EED: variants seen among roughly 807,000 people sequenced by gnomAD.
EED encodes the protein embryonic ectoderm development, also known as polycomb protein EED.
Under a neutral mutation model 61.0 loss-of-function variants are expected in EED, and 9 were observed. The observed-to-expected ratio is 0.15, with a 90% CI of 0.09 to 0.26. The LOEUF is 0.26. EED is among the 10% of genes least tolerant of loss of function. EED has a pLI of 1.00. For missense variants in EED, 315 were observed against 542.3 expected, an observed-to-expected ratio of 0.58 and a Z score of 4.16; for synonymous variants, 187 against 174.4, an observed-to-expected ratio of 1.07 and a Z score of -0.57.
At position 86,260,992 on chromosome 11, in the gene EED, T is replaced by A. The variant is rs144159853; in HGVS notation, c.635-3180T>A. Among the ~76,000 whole-genome samples the A allele has an allele frequency of 6.3e-3, 958 of 152,112 alleles. 17 individuals are homozygous for A. The highest frequency in any genetic ancestry group is 0.022 in the African/African-American group (899 of 41,482). ...ACTCTCATGACCTAACGCTTCTCAT[T>A]AGGTCTCATCTCCCAACACTGCTGC... On this transcript the variant is annotated intron_variant, in intron 6 of 11. Transcript: ENST00000263360.
At position 86,278,769 on chromosome 11, in the gene EED, G is replaced by GA; in HGVS notation, c.*251dup. The GA allele has an allele frequency of 5.3e-6, 2 of 376,136 alleles. No homozygotes were observed. The highest frequency in any genetic ancestry group is 1.1e-4 in the South Asian group (1 of 9,462). 23.3% of individuals were successfully genotyped at this position (376,136 alleles called of 1,614,324 possible). ...TGTGTTTAGTTACTTTCATTGTGGT[G>GA]AAAAAAAGTTAAAAGTAATAAAATT... On this transcript the variant is annotated 3_prime_UTR_variant, in exon 12 of 12. Coordinates refer to ENST00000263360, the MANE Select transcript of EED (RefSeq NM_003797.5).
intron 6 of EED, among the ~76,000 whole-genome samples, chr11:86,261,667 A>G (rs767810525): frequency 1.3e-5 from 2 of 152,222 alleles, no homozygotes; most frequent in Non-Finnish European, 2.9e-5. Context: ...CCGTGCCTCC[A>G]CAGTTCCTGC....
At position 86,245,225 on chromosome 11, in the gene EED, G is replaced by A. The variant is rs930752635; in HGVS notation, c.-5G>A. On this transcript the variant is annotated 5_prime_UTR_variant, in exon 1 of 12. Transcript: ENST00000263360. ...CGGCAGGAACCTGGAGGGAGGCGGA[G>A]GAATATGTCCGAGAGGGAAGTGTCG... 1.9e-6 allele frequency: 3 copies of A among 1,611,364 alleles called. No individual in the cohort carries two copies. Among genetic ancestry groups the A allele is most frequent in the Non-Finnish European group, 1.7e-6 (2 of 1,178,972 alleles).
At chr11:86,254,576 C>G (rs534860189) in intron 3 of EED, among the ~76,000 whole-genome samples, 2 of 152,024 alleles carry the variant, frequency 1.3e-5, no homozygotes, top group South Asian at 4.2e-4. Context: ...GCCTCGGCCT[C>G]CCAAAGTGCT....
At chr11:86,250,736 T>G (rs1214766492) in intron 2 of EED, among the ~76,000 whole-genome samples, 3 of 152,156 alleles carry the variant, frequency 2.0e-5, no homozygotes, top group Non-Finnish European at 4.4e-5. Flanking sequence ...TGGGTAACTA[T>G]TACTCTTTAT....
At chr11:86,276,343 C>G (rs1946229619) in intron 9 of EED, 1 of 152,090 alleles carries the variant, frequency 6.6e-6, no homozygotes, top group South Asian at 2.1e-4. Flanking sequence ...CAATCCTATC[C>G]CCATATGAGT....
intron 3 of EED, among the ~76,000 whole-genome samples, chr11:86,253,072 T>C (rs2138144632): frequency 6.6e-6 from 1 of 152,352 alleles, no homozygotes; most frequent in Non-Finnish European, 1.5e-5. Flanking sequence ...TATAATGACA[T>C]GTAAGGCTCT....
chr11:86,278,322 T>C, intron 11 of EED, 77 bp from the exon 12 acceptor site: 1 of 1,530,626 alleles, frequency 6.5e-7, no homozygotes, highest in Non-Finnish European at 8.8e-7. Flanking sequence ...TCTGCTTATT[T>C]TCTAATCCGC....
In EED at chr11:86,250,498, A is replaced by G. The variant is rs746946006; in HGVS notation, c.267+50A>G. The stretch of plus-strand genomic sequence containing the variant: ...GGCTGAATGCTAGGCTTCAGAAATT[A>G]TTTCTCTGTGGCACGCATTTCGTAC... On this transcript the variant is annotated intron_variant, in intron 2 of 11. Coordinates refer to ENST00000263360, the MANE Select transcript of EED (RefSeq NM_003797.5). 3 of 1,456,070 alleles carry G rather than the reference A, an allele frequency of 2.1e-6. No homozygotes were observed. In the East Asian group the frequency reaches 7.9e-5, roughly 38 times the overall value. The allele number at this position is 1,456,070 out of a possible 1,614,324, so 90.2% of individuals were successfully genotyped here.
intron 3 of EED, among the ~76,000 whole-genome samples, chr11:86,254,146 TAG>T (rs1945609611): frequency 6.6e-6 from 1 of 151,338 alleles, no homozygotes; most frequent in Non-Finnish European, 1.5e-5. Flanking sequence ...GTTTTAATTT[TAG>T]AGTATGCAAC....
chr11:86,250,767 A>C (rs1945511646), intron 2 of EED, among the ~76,000 whole-genome samples: 1 of 152,326 alleles, frequency 6.6e-6, no homozygotes, highest in East Asian at 1.9e-4. Context: ...AACTTAAAAA[A>C]CATAAGCCAC....
intron 5 of EED, among the ~76,000 whole-genome samples, chr11:86,257,155 C>A (rs1462288858): frequency 6.6e-6 from 1 of 150,734 alleles, no homozygotes; most frequent in African/African-American, 2.4e-5. Flanking sequence ...CCTGCCTCAG[C>A]CTCTCAAGTA....
At chr11:86,246,310 C>T (rs1945390729) in intron 1 of EED, among the ~76,000 whole-genome samples, 1 of 152,154 alleles carries the variant, frequency 6.6e-6, no homozygotes, top group Admixed American at 6.5e-5. Flanking sequence ...TGTGATTCTC[C>T]TTCTCATGAT....
chr11:86,254,224 T>C (rs556109894), intron 3 of EED, among the ~76,000 whole-genome samples: 2 of 151,994 alleles, frequency 1.3e-5, no homozygotes, highest in Non-Finnish European at 2.9e-5. Context: ...GAGAAAATAA[T>C]TCATTAAGCA....
At chr11:86,286,635 G>A in the EED span, among the ~76,000 whole-genome samples, 1 of 152,038 alleles carries the variant, frequency 6.6e-6, no homozygotes, top group African/African-American at 2.4e-5. Flanking sequence ...TATCATCTAG[G>A]ACAGTAGGTT....
chr11:86,250,461 A>G lies in EED; in HGVS notation c.267+13A>G. ...AAATAGTCTCAAGGTATGTGCAAAA[A>G]AAGATCCTTTGGGCTGAATGCTAGG... On this transcript the variant is annotated intron_variant, in intron 2 of 11. Coordinates refer to ENST00000263360, the MANE Select transcript of EED (RefSeq NM_003797.5). 1 of 1,562,444 alleles carries G rather than the reference A, an allele frequency of 6.4e-7. No individual in the cohort carries two copies.
At chr11:86,266,778 A>C (rs946119932) in intron 8 of EED, among the ~76,000 whole-genome samples, 2 of 152,110 alleles carry the variant, frequency 1.3e-5, no homozygotes, top group Non-Finnish European at 2.9e-5. Flanking sequence ...TATTTTTGAA[A>C]TGTCTCAATT....
At chr11:86,273,307 G>A (rs972977765) in intron 9 of EED, among the ~76,000 whole-genome samples, 2 of 152,230 alleles carry the variant, frequency 1.3e-5, no homozygotes, top group African/African-American at 4.8e-5. Flanking sequence ...ATGGGCACAA[G>A]CCATTTGAGT....
At chr11:86,249,031 G>A (rs1255221881) in intron 1 of EED, among the ~76,000 whole-genome samples, 1 of 152,192 alleles carries the variant, frequency 6.6e-6, no homozygotes, top group South Asian at 2.1e-4. Context: ...CAAAGACATA[G>A]TGGAGGGCTA....
Sources: allele counts gnomAD v4.1 joint callset (sites outside exome capture counted in the v4.1 genomes callset), GRCh38; gene constraint gnomAD v4.1.1; transcripts MANE v1.5; gene names NCBI Gene and HGNC (gene_info 2026-07-23, HGNC 2026-07-21).